The following BCL2L11 variants were observed in gnomAD, a reference collection of about 807,000 sequenced individuals.
BCL2L11 encodes the protein BCL2 like 11.
A neutral mutation model predicts 20.6 loss-of-function variants in BCL2L11; 15 were observed. That is an observed-to-expected ratio of 0.73 (90% CI 0.49 to 1.12). The LOEUF (loss-of-function observed/expected upper bound fraction) is 1.12, where lower values mean the gene tolerates loss of function less well. Ranked by LOEUF, BCL2L11 falls within the 50% of genes most tolerant of loss-of-function variation. The probability of loss-of-function intolerance (pLI) is 0.00; values close to 1 mark genes in which losing one functional copy is unlikely to be tolerated. For missense variants in BCL2L11, 292 were observed against 260.9 expected, an observed-to-expected ratio of 1.12 and a Z score of -0.82; for synonymous variants, 108 against 92.8, an observed-to-expected ratio of 1.16 and a Z score of -0.94.
intron 3 of BCL2L11, among the ~76,000 whole-genome samples, chr2:111,159,075 C>G (rs1183832042): frequency 4.6e-5 from 7 of 152,212 alleles, no homozygotes; most frequent in African/African-American, 1.4e-4. Flanking sequence ...TCCAGAACCT[C>G]TGTGGCCTCA....
At chr2:111,146,362 T>G in intron 2 of BCL2L11, 1 of 546,004 alleles carries the variant, frequency 1.8e-6, no homozygotes, top group Non-Finnish European at 2.3e-6. Context: ...CTTACTTTTC[T>G]TATAAACTAG....
At chr2:111,123,355 C>T (rs2071662902) in intron 1 of BCL2L11, 1 of 985,380 alleles carries the variant, frequency 1.0e-6, no homozygotes, top group African/African-American at 1.7e-5. Context: ...TCCTGTGCTC[C>T]GGCGTCCTAC....
chr2:111,162,163 G>A (rs2078641850), intron 3 of BCL2L11, among the ~76,000 whole-genome samples: 1 of 152,212 alleles, frequency 6.6e-6, no homozygotes, highest in African/African-American at 2.4e-5. Context: ...AGCCGGCCGT[G>A]CCAGCTGTCA....
Position 111,148,620 on chromosome 2 carries a change from T to C in BCL2L11, c.395-1424T>C, listed in dbSNP as rs1175308259. ...TGACATCCTGAAAGTTTCCCCTTCA[T>C]CAGCCTTTGTGCTTCTCCACCAGGG... On this transcript the variant is annotated intron_variant, in intron 2 of 3. Coordinates refer to ENST00000393256, the MANE Select transcript of BCL2L11 (RefSeq NM_138621.5). Among the ~76,000 whole-genome samples the C allele has an allele frequency of 2.0e-5, 3 of 152,222 alleles. No homozygotes were observed. The East Asian group carries it at 5.8e-4, about 29-fold the overall frequency.
intron 3 of BCL2L11, 23 bp downstream of exon 3, chr2:111,150,170 C>T: frequency 6.2e-7 from 1 of 1,610,528 alleles, no homozygotes; most frequent in Non-Finnish European, 8.5e-7. Flanking sequence ...TCTTTACCCG[C>T]TTTTCTGCTC....
At chr2:111,142,744 G>C (rs1408826813) in intron 2 of BCL2L11, among the ~76,000 whole-genome samples, 1 of 152,160 alleles carries the variant, frequency 6.6e-6, no homozygotes, top group African/African-American at 2.4e-5. Flanking sequence ...CCAGTTTCCT[G>C]CTACTGGTTT....
intron 2 of BCL2L11, among the ~76,000 whole-genome samples, chr2:111,139,034 C>A (rs1211995842): frequency 3.3e-5 from 5 of 152,136 alleles, no homozygotes; most frequent in Non-Finnish European, 5.9e-5. Flanking sequence ...GCTGTCGTTC[C>A]AGGAGTATAG....
At chr2:111,131,851 A>G (rs982577804) in intron 2 of BCL2L11, 1 of 152,220 alleles carries the variant, frequency 6.6e-6, no homozygotes, top group Non-Finnish European at 1.5e-5. Context: ...AGGGATGTAT[A>G]GGACAGTTGG....
Position 111,123,896 on chromosome 2 carries a change from G to A in BCL2L11, c.151G>A (p.Glu51Lys). The A allele has an allele frequency of 6.2e-7, 1 of 1,611,678 alleles. No individual in the cohort carries two copies. Among genetic ancestry groups the A allele is most frequent in the Non-Finnish European group, 8.5e-7 (1 of 1,178,938 alleles). ...TAATCCTGAAGGCAATCACGGAGGTGAAGGGGACAGCTGCCCCCACGGCAG... is the reference window on the plus strand; with the variant it reads ...TAATCCTGAAGGCAATCACGGAGGTAAAGGGGACAGCTGCCCCCACGGCAG... ...QGNPEGNHGGEGDSCPHGSPQ... is the reference protein window; with the variant it reads ...QGNPEGNHGGKGDSCPHGSPQ... The change falls in exon 2 of 4, where the codon GAA (glutamate) becomes AAA (lysine). Residue 51 changes from glutamate (E) to lysine (K), a missense_variant. By Grantham distance (56) the Glu-to-Lys change is moderately conservative (BLOSUM62 1). Transcript: ENST00000393256.
chr2:111,131,825 G>A (rs1285226224), intron 2 of BCL2L11: 2 of 152,126 alleles, frequency 1.3e-5, no homozygotes, highest in Non-Finnish European at 2.9e-5. Flanking sequence ...TAGGGAAAGT[G>A]TATATATGCT....
chr2:111,164,141 G>C lies in BCL2L11; in HGVS notation c.507G>C (p.Leu169Phe). ...TCCTTTTGTTGTTTCAGGTATTTTT[G>C]AATAATTACCAAGCAGCCGAAGACC... Reference protein sequence around the residue: ...FNAYYARRVFLNNYQAAEDHP... With the variant: ...FNAYYARRVFFNNYQAAEDHP... Residue 169 changes from leucine to phenylalanine, a missense_variant, in exon 4 of 4, where the codon TTG becomes TTC. By Grantham distance (22) the Leu-to-Phe change is conservative (BLOSUM62 0). Transcript: ENST00000393256. The C allele has an allele frequency of 7.3e-7, 1 of 1,361,854 alleles. No homozygotes were observed. Among genetic ancestry groups the C allele is most frequent in the East Asian group, 4.4e-5 (1 of 22,558 alleles). The allele number at this position is 1,361,854 out of a possible 1,614,324, so 84.4% of individuals were successfully genotyped here. A position where few individuals can be genotyped will look rare whatever the true frequency, so the allele number is the denominator to read the frequency against.
chr2:111,125,745 T>A (rs1160913362), intron 2 of BCL2L11, among the ~76,000 whole-genome samples: 1 of 152,174 alleles, frequency 6.6e-6, no homozygotes, highest in Non-Finnish European at 1.5e-5. Context: ...ACATGCTGGC[T>A]GCACGTCTCT....
chr2:111,141,411 A>G (rs1194077771), intron 2 of BCL2L11, among the ~76,000 whole-genome samples: 1 of 150,996 alleles, frequency 6.6e-6, no homozygotes, highest in Admixed American at 6.6e-5. Flanking sequence ...AACTATTGCA[A>G]GAACAAAAAA....
intron 2 of BCL2L11, among the ~76,000 whole-genome samples, chr2:111,127,079 TAC>T (rs2150245686): frequency 6.6e-6 from 1 of 152,312 alleles, no homozygotes; most frequent in Admixed American, 6.5e-5. Context: ...GGGCAACAGA[TAC>T]AGTTTTTTCA....
Position 111,121,177 on chromosome 2 carries a change from G to T in BCL2L11, c.-25G>T. On this transcript the variant is annotated 5_prime_UTR_variant, in exon 1 of 4. It introduces an in-frame stop codon into an upstream open reading frame of the 5' UTR. Transcript: ENST00000393256. ...AATGTCTGACTCTGACTCTCGGACT[G>T]AGAAACGCAAGGTAAATACCTCCAA... is the stretch of plus-strand genomic sequence containing the variant. 4.2e-6 allele frequency: 1 copy of T among 240,468 alleles called. No homozygotes were observed. The highest frequency in any genetic ancestry group is 8.1e-6 in the Non-Finnish European group (1 of 123,402). 14.9% of individuals were successfully genotyped at this position (240,468 alleles called of 1,614,324 possible). A position where few individuals can be genotyped will look rare whatever the true frequency, so the allele number is the denominator to read the frequency against.
Position 111,151,707 on chromosome 2 carries a change from A to G in BCL2L11, c.498+1560A>G, listed in dbSNP as rs1165712061. The G allele has an allele frequency of 1.3e-5, 11 of 852,536 alleles. No individual in the cohort carries two copies. The Admixed American group carries it at 1.6e-4, about 13-fold the overall frequency. The allele number at this position is 852,536 out of a possible 1,614,324, so 52.8% of individuals were successfully genotyped here. A position where few individuals can be genotyped will look rare whatever the true frequency, so the allele number is the denominator to read the frequency against. On this transcript the variant is annotated intron_variant, in intron 3 of 3. Coordinates refer to ENST00000393256, the MANE Select transcript of BCL2L11 (RefSeq NM_138621.5). ...TAAGAGTCAAGAAAACACACATCGG[A>G]TCTTCCTACCTTTCTGTGGGGGTGT...
chr2:111,155,587 A>G (rs2077727634), intron 3 of BCL2L11, among the ~76,000 whole-genome samples: 1 of 151,988 alleles, frequency 6.6e-6, no homozygotes, highest in Non-Finnish European at 1.5e-5. Flanking sequence ...AACCCCTAAT[A>G]CTGAAGCTGG....
chr2:111,153,734 C>T (rs1435148877), intron 3 of BCL2L11: 1 of 1,551,378 alleles, frequency 6.4e-7, no homozygotes, highest in Non-Finnish European at 8.7e-7. Flanking sequence ...TCTTTTATTG[C>T]CACGAGCCTT....
chr2:111,161,591 A>G (rs1456195834), intron 3 of BCL2L11: 2 of 1,508,054 alleles, frequency 1.3e-6, no homozygotes, highest in South Asian at 1.2e-5. Flanking sequence ...GCGAGGAACC[A>G]CTCACACTGC....
Sources: allele counts gnomAD v4.1 joint callset (sites outside exome capture counted in the v4.1 genomes callset), GRCh38; gene constraint gnomAD v4.1.1; transcripts MANE v1.5; gene names NCBI Gene and HGNC (gene_info 2026-07-23, HGNC 2026-07-21).